INSL6: variants seen among roughly 807,000 people sequenced by gnomAD.
The protein encoded by INSL6 is insulin-like peptide INSL6.
INSL6 carries 16 observed loss-of-function variants against 9.4 expected under a neutral mutation model. The ratio of observed to expected loss-of-function variants is 1.70; its 90% CI spans 1.15 to 2.59. The LOEUF (loss-of-function observed/expected upper bound fraction) is 2.59. Ranked by LOEUF, INSL6 falls within the 30% of genes most tolerant of loss-of-function variation. The pLI is 0.00. For synonymous variants in INSL6, 154 were observed against 96.9 expected (o/e 1.59, Z -3.46); for missense variants, 391 against 257.3 (o/e 1.52, Z -3.56).
the INSL6 span, chr9:5,081,776 C>T: frequency 3.7e-6 from 6 of 1,604,984 alleles, no homozygotes; most frequent in Non-Finnish European, 4.3e-6. Context: ...AGGATAGGTG[C>T]CCTGGGGTTT....
chr9:5,139,448 T>G (rs906294958), intron 2 of INSL6, among the ~76,000 whole-genome samples: 1 of 152,166 alleles, frequency 6.6e-6, no homozygotes, highest in Non-Finnish European at 1.5e-5. Flanking sequence ...TAAATGAATT[T>G]TTAAAAAGCT....
At chr9:5,008,875 T>A in the INSL6 span, among the ~76,000 whole-genome samples, 1 of 152,216 alleles carries the variant, frequency 6.6e-6, no homozygotes, top group African/African-American at 2.4e-5. Context: ...ATTGATCCTC[T>A]TATTTCTTAC....
At chr9:5,116,191 G>T in the INSL6 span, among the ~76,000 whole-genome samples, 1 of 152,072 alleles carries the variant, frequency 6.6e-6, no homozygotes, top group Non-Finnish European at 1.5e-5. Flanking sequence ...TTTTAAGCAT[G>T]GAGAACTGAA....
intron 1 of INSL6, among the ~76,000 whole-genome samples, chr9:5,169,649 T>C (rs565905323): frequency 2.0e-5 from 3 of 151,956 alleles, no homozygotes; most frequent in Admixed American, 6.6e-5. Context: ...AAGACACACA[T>C]AGACTCAAAA....
At chr9:5,165,989 C>G (rs1160937138) in intron 1 of INSL6, among the ~76,000 whole-genome samples, 1 of 152,204 alleles carries the variant, frequency 6.6e-6, no homozygotes, top group Non-Finnish European at 1.5e-5. Flanking sequence ...ACCAATCTGT[C>G]ACAATGGCTA....
chr9:5,030,187 T>A, the INSL6 span, among the ~76,000 whole-genome samples: 3 of 152,198 alleles, frequency 2.0e-5, no homozygotes, highest in Admixed American at 1.3e-4. Flanking sequence ...CAGTGGCCTT[T>A]ATTAACAAAA....
the INSL6 span, among the ~76,000 whole-genome samples, chr9:5,037,029 C>G: frequency 7.9e-5 from 12 of 152,072 alleles, no homozygotes; most frequent in Non-Finnish European, 1.5e-4. Flanking sequence ...AACAACAACC[C>G]CATCAAAAAG....
the INSL6 span, among the ~76,000 whole-genome samples, chr9:5,059,959 C>T: frequency 2.0e-5 from 3 of 152,148 alleles, no homozygotes; most frequent in East Asian, 1.9e-4. Flanking sequence ...GTTTGTAAAA[C>T]GTATATAGAC....
chr9:5,026,605 A>G, the INSL6 span, among the ~76,000 whole-genome samples: 1 of 152,156 alleles, frequency 6.6e-6, no homozygotes, highest in Non-Finnish European at 1.5e-5. Flanking sequence ...TTACATATTC[A>G]TTTCTGATTT....
At chr9:5,017,353 A>G in the INSL6 span, among the ~76,000 whole-genome samples, 3 of 152,252 alleles carry the variant, frequency 2.0e-5, no homozygotes, top group African/African-American at 7.2e-5. Context: ...AGTGGTGGGC[A>G]CAAACTGATA....
chr9:5,170,498 A>C (rs1349017121), intron 1 of INSL6, among the ~76,000 whole-genome samples: 1 of 152,074 alleles, frequency 6.6e-6, no homozygotes, highest in African/African-American at 2.4e-5. Flanking sequence ...AGCTTAGAGC[A>C]GAACTGAAGG....
intron 3 of INSL6, among the ~76,000 whole-genome samples, chr9:5,130,864 G>A (rs1345853373): frequency 6.6e-6 from 1 of 150,542 alleles, no homozygotes. Context: ...GCGTAGCTGG[G>A]ACTACAGGCG....
the INSL6 span, among the ~76,000 whole-genome samples, chr9:5,101,498 C>G: frequency 2.6e-5 from 4 of 152,258 alleles, no homozygotes; most frequent in East Asian, 1.9e-4. Context: ...ACTTAAACGT[C>G]CCTGTCTGAC....
At chr9:5,157,706 A>G (rs895834074) in intron 2 of INSL6, among the ~76,000 whole-genome samples, 1 of 152,208 alleles carries the variant, frequency 6.6e-6, no homozygotes, top group Non-Finnish European at 1.5e-5. Flanking sequence ...AATAACTGGA[A>G]AGACTTCCCA....
intron 3 of INSL6, among the ~76,000 whole-genome samples, chr9:5,131,686 C>T (rs905908592): frequency 2.6e-5 from 4 of 152,014 alleles, no homozygotes; most frequent in Admixed American, 1.3e-4. Context: ...GTGATCCAAC[C>T]GCCTCAACCT....
chr9:5,079,656 T>G, the INSL6 span, among the ~76,000 whole-genome samples: 2 of 152,216 alleles, frequency 1.3e-5, no homozygotes, highest in African/African-American at 4.8e-5. Flanking sequence ...AAAAAAAGAT[T>G]TGGCCAGGTG....
At chr9:5,165,478 G>C (rs1330767103) in intron 1 of INSL6, among the ~76,000 whole-genome samples, 2 of 152,152 alleles carry the variant, frequency 1.3e-5, no homozygotes, top group Non-Finnish European at 2.9e-5. Flanking sequence ...TGGATGCACA[G>C]TGGTAGCTCA....
chr9:5,118,377 G>C, the INSL6 span, among the ~76,000 whole-genome samples: 3 of 151,994 alleles, frequency 2.0e-5, no homozygotes, highest in Non-Finnish European at 4.4e-5. Context: ...TTGTAACCAA[G>C]ATATGTATAT....
chr9:5,038,302 T>C, the INSL6 span, among the ~76,000 whole-genome samples: 1 of 152,136 alleles, frequency 6.6e-6, no homozygotes, highest in Non-Finnish European at 1.5e-5. Flanking sequence ...AAATTAGCAA[T>C]TTTTATAAAA....
Sources: gnomAD v4.1 joint callset for allele counts (sites outside exome capture counted in the v4.1 genomes callset) on GRCh38, gnomAD v4.1.1 for gene constraint, MANE v1.5 for transcripts, NCBI Gene and HGNC (gene_info 2026-07-23, HGNC 2026-07-21) for gene names.